Variants in DLG2 observed in about 807,000 individuals in gnomAD.
The protein encoded by DLG2 is disks large homolog 2.
Under a neutral mutation model 132.5 loss-of-function variants are expected in DLG2, and 45 were observed. The observed-to-expected ratio is 0.34, with a 90% CI of 0.27 to 0.44. The LOEUF (loss-of-function observed/expected upper bound fraction) is 0.44. Among genes scored for constraint, DLG2 ranks in the 20% least tolerant of loss-of-function variants. DLG2 has a pLI of 1.00. For synonymous variants in DLG2, 424 were observed against 419.6 expected (o/e 1.01, Z -0.13); for missense variants, 1,045 against 1,196.9 (o/e 0.87, Z 1.87).
In DLG2 at chr11:83,469,191, G is replaced by A. The variant is rs754074290; in HGVS notation, c.2619+10C>T. On this transcript the variant is annotated intron_variant, in intron 25 of 27. Coordinates refer to ENST00000376104, the MANE Select transcript of DLG2 (RefSeq NM_001142699.3). ...CTTCAGGGGAGGTGTAAGAAGATTGGTGAACATACTCTTTCTGCTACAAAT... is the reference window on the plus strand; with the variant it reads ...CTTCAGGGGAGGTGTAAGAAGATTGATGAACATACTCTTTCTGCTACAAAT... 3 of 1,591,724 alleles carry A rather than the reference G, an allele frequency of 1.9e-6. No individual in the cohort carries two copies. The highest frequency in any genetic ancestry group is 1.8e-5 in the Admixed American group (1 of 56,664).
chr11:84,245,780 T>C (rs114299118), intron 8 of DLG2, among the ~76,000 whole-genome samples: 1 of 152,226 alleles, frequency 6.6e-6, no homozygotes, highest in East Asian at 1.9e-4. Flanking sequence ...AAGTACAAGA[T>C]TTTTTCTTTT....
intron 2 of DLG2, among the ~76,000 whole-genome samples, chr11:85,607,677 G>T (rs764456527): frequency 6.6e-6 from 1 of 152,192 alleles, no homozygotes; most frequent in Non-Finnish European, 1.5e-5. Flanking sequence ...CGTCATAGGG[G>T]AGACTATCTG....
intron 6 of DLG2, among the ~76,000 whole-genome samples, chr11:84,752,564 C>CTTTTTTTTTTT (rs370347853): frequency 7.8e-6 from 1 of 127,492 alleles, no homozygotes; most frequent in Non-Finnish European, 1.7e-5. Flanking sequence ...TTTTCTTTTT[C>CTTTTTTTTTTT]TTTTTTTTTT....
intron 16 of DLG2, among the ~76,000 whole-genome samples, chr11:83,871,357 G>C (rs1358745799): frequency 6.6e-6 from 1 of 152,146 alleles, no homozygotes; most frequent in Non-Finnish European, 1.5e-5. Context: ...TGTCTCAATG[G>C]ATCAAATTAA....
rs552360388 is a variant in DLG2 at position 83,651,881 on chromosome 11, T to C, written c.1826-18556A>G. ...AGGTCACATTGGCTGTCAAAGGACA[T>C]GTCTTCTGGCTAGAAGAAGCCCTGG... On this transcript the variant is annotated intron_variant, in intron 18 of 27. Transcript: ENST00000376104. 22 of 471,176 alleles carry C rather than the reference T, an allele frequency of 4.7e-5. No individual in the cohort carries two copies. The East Asian group carries it at 1.0e-3, about 22-fold the overall frequency. The allele number at this position is 471,176 out of a possible 1,614,324, so 29.2% of individuals were successfully genotyped here.
At chr11:84,584,478 C>G (rs978894642) in intron 6 of DLG2, among the ~76,000 whole-genome samples, 2 of 151,612 alleles carry the variant, frequency 1.3e-5, no homozygotes, top group Non-Finnish European at 2.9e-5. Context: ...TCCCAAGTAA[C>G]TGGGACTACA....
At position 84,460,401 on chromosome 11, in the gene DLG2, A is replaced by G. The variant is rs188107419; in HGVS notation, c.519+74169T>C. Reference sequence around the variant, plus strand: ...CATCAAGCAAACAAATGAACAAAGAACCAATCATATTTGAAGGATGTTCTA... The same window carrying G: ...CATCAAGCAAACAAATGAACAAAGAGCCAATCATATTTGAAGGATGTTCTA... On this transcript the variant is annotated intron_variant, in intron 7 of 27. Transcript: ENST00000376104. Among the ~76,000 whole-genome samples the G allele has an allele frequency of 1.5e-3, 223 of 150,768 alleles. 1 individual carries two copies. Among genetic ancestry groups the G allele is most frequent in the African/African-American group, 5.2e-3 (217 of 41,396 alleles).
At chr11:83,785,962 T>A (rs1046587651) in intron 18 of DLG2, among the ~76,000 whole-genome samples, 1 of 152,242 alleles carries the variant, frequency 6.6e-6, no homozygotes, top group African/African-American at 2.4e-5. Flanking sequence ...CATAATTGTG[T>A]GCTTACATTA....
At chr11:84,862,182 A>G (rs1488664043) in intron 6 of DLG2, among the ~76,000 whole-genome samples, 1 of 152,058 alleles carries the variant, frequency 6.6e-6, no homozygotes, top group Non-Finnish European at 1.5e-5. Flanking sequence ...AACTTAAAGT[A>G]TAATAATAAT....
intron 18 of DLG2, chr11:83,724,934 C>A: frequency 1.4e-6 from 1 of 702,404 alleles, no homozygotes; most frequent in Non-Finnish European, 2.6e-6. Flanking sequence ...TTCCCTCCTC[C>A]TGGTTGAGCT....
chr11:84,668,600 T>TA (rs1386989914), intron 6 of DLG2, among the ~76,000 whole-genome samples: 3 of 152,132 alleles, frequency 2.0e-5, no homozygotes, highest in Non-Finnish European at 4.4e-5. Flanking sequence ...TTGGATGGCA[T>TA]AAAAATCAGC....
chr11:85,426,064 C>A (rs1225299695), intron 3 of DLG2, among the ~76,000 whole-genome samples: 1 of 152,202 alleles, frequency 6.6e-6, no homozygotes, highest in East Asian at 1.9e-4. Flanking sequence ...TGAGATCAAA[C>A]TGCAAGGTGG....
intron 3 of DLG2, among the ~76,000 whole-genome samples, chr11:85,506,934 G>C (rs1417056564): frequency 2.6e-5 from 4 of 152,158 alleles, no homozygotes; most frequent in Non-Finnish European, 5.9e-5. Context: ...AGGATAGTTA[G>C]TTCTTCTTGT....
chr11:83,931,366 A>T (rs2080179610), intron 14 of DLG2, among the ~76,000 whole-genome samples: 1 of 152,202 alleles, frequency 6.6e-6, no homozygotes, highest in African/African-American at 2.4e-5. Context: ...AGATCATAAA[A>T]CATTCTCATG....
chr11:83,802,137 G>A (rs2044582430), intron 17 of DLG2, among the ~76,000 whole-genome samples: 1 of 151,204 alleles, frequency 6.6e-6, no homozygotes, highest in Admixed American at 6.6e-5. Flanking sequence ...GACATGACAT[G>A]CACCATTATG....
chr11:84,609,837 C>G (rs534179064), intron 6 of DLG2, among the ~76,000 whole-genome samples: 1 of 152,018 alleles, frequency 6.6e-6, no homozygotes, highest in Non-Finnish European at 1.5e-5. Flanking sequence ...CCAAAGCAAT[C>G]TCAGTATTTA....
chr11:85,439,120 T>C (rs1044575541), intron 3 of DLG2, among the ~76,000 whole-genome samples: 2 of 152,212 alleles, frequency 1.3e-5, no homozygotes, highest in Admixed American at 6.5e-5. Context: ...ATTTTGGCTA[T>C]TAAAAATAAA....
intron 6 of DLG2, among the ~76,000 whole-genome samples, chr11:84,695,898 G>A (rs1362193441): frequency 6.6e-6 from 1 of 151,466 alleles, no homozygotes; most frequent in African/African-American, 2.4e-5. Flanking sequence ...TTACTGAAAT[G>A]TAATGCTTTT....
intron 7 of DLG2, among the ~76,000 whole-genome samples, chr11:84,410,086 A>G (rs751774939): frequency 6.6e-6 from 1 of 152,226 alleles, no homozygotes; most frequent in Non-Finnish European, 1.5e-5. Flanking sequence ...AGAGCTAATT[A>G]CTGACTGAAC....
Sources: allele counts gnomAD v4.1 joint callset (sites outside exome capture counted in the v4.1 genomes callset), GRCh38; gene constraint gnomAD v4.1.1; transcripts MANE v1.5; gene names NCBI Gene and HGNC (gene_info 2026-07-23, HGNC 2026-07-21).